SPATA13: variants seen among roughly 807,000 people sequenced by gnomAD.
SPATA13 encodes spermatogenesis-associated protein 13.
SPATA13 carries 50 observed loss-of-function variants against 104.0 expected under a neutral mutation model. That is an observed-to-expected ratio of 0.48 (90% CI 0.38 to 0.61). The LOEUF is 0.61. SPATA13 is among the 20% of genes least tolerant of loss of function. The pLI is 0.00. For synonymous variants in SPATA13, 606 were observed against 667.5 expected (o/e 0.91, Z 1.42); for missense variants, 1,524 against 1,690.6 (o/e 0.90, Z 1.73).
intron 3 of SPATA13, among the ~76,000 whole-genome samples, chr13:24,059,502 A>T (rs1878702541): frequency 1.3e-5 from 2 of 152,344 alleles, no homozygotes; most frequent in South Asian, 2.1e-4. Flanking sequence ...AGTCACTTAC[A>T]CTAACGCTTT....
chr13:24,109,768 C>G (rs1315689913), intron 3 of SPATA13, among the ~76,000 whole-genome samples: 1 of 152,030 alleles, frequency 6.6e-6, no homozygotes, highest in Admixed American at 6.6e-5. Flanking sequence ...TAACCAGCAC[C>G]ACTAGGAGGT....
intron 1 of SPATA13, among the ~76,000 whole-genome samples, chr13:24,201,926 G>C (rs1870429633): frequency 6.6e-6 from 1 of 152,086 alleles, no homozygotes; most frequent in Non-Finnish European, 1.5e-5. Context: ...GCCTTTTCCA[G>C]AATGTCATGT....
intron 3 of SPATA13, among the ~76,000 whole-genome samples, chr13:24,059,731 A>C (rs1878711142): frequency 6.6e-6 from 1 of 152,220 alleles, no homozygotes; most frequent in South Asian, 2.1e-4. Flanking sequence ...GTTGTTTACC[A>C]GGTGAAGAGC....
intron 3 of SPATA13, chr13:24,123,121 G>A (rs1428735641): frequency 2.0e-6 from 2 of 1,013,770 alleles, no homozygotes; most frequent in Non-Finnish European, 3.2e-6. Context: ...TGAATTGCAT[G>A]GGTAAGGTCA....
intron 1 of SPATA13, among the ~76,000 whole-genome samples, chr13:24,188,112 G>T (rs566269871): frequency 3.8e-3 from 584 of 152,226 alleles, no homozygotes; most frequent in African/African-American, 0.013. Context: ...AGGCCAAGGC[G>T]GGCAGATTGC....
chr13:23,984,762 C>G (rs770066118), intron 2 of SPATA13, among the ~76,000 whole-genome samples: 20 of 152,198 alleles, frequency 1.3e-4, no homozygotes, highest in Non-Finnish European at 2.8e-4. Context: ...TTGTGTAGAA[C>G]AGCTACGGGT....
intron 4 of SPATA13, among the ~76,000 whole-genome samples, chr13:24,281,026 C>T (rs1324771046): frequency 6.6e-6 from 1 of 152,108 alleles, no homozygotes; most frequent in Admixed American, 6.5e-5. Flanking sequence ...GACATGGGTA[C>T]ACACATGCAT....
At chr13:24,185,701 T>C (rs555370256) in intron 1 of SPATA13, among the ~76,000 whole-genome samples, 11 of 148,512 alleles carry the variant, frequency 7.4e-5, no homozygotes, top group African/African-American at 2.5e-4. Flanking sequence ...GGATTTAACT[T>C]AGAACACATA....
intron 2 of SPATA13, among the ~76,000 whole-genome samples, chr13:23,986,597 AT>A (rs2137652965): frequency 6.6e-6 from 1 of 152,282 alleles, no homozygotes; most frequent in African/African-American, 2.4e-5. Context: ...TGGTATCTCC[AT>A]TTTTACACAC....
chr13:24,010,328 CT>C (rs1482201992), intron 2 of SPATA13, among the ~76,000 whole-genome samples: 1 of 152,118 alleles, frequency 6.6e-6, no homozygotes, highest in African/African-American at 2.4e-5. Context: ...ACTTTGAGTT[CT>C]CTTCTTTGTT....
chr13:24,269,610 C>T (rs1043261231), intron 4 of SPATA13, among the ~76,000 whole-genome samples: 11 of 151,896 alleles, frequency 7.2e-5, no homozygotes, highest in South Asian at 2.1e-4. Flanking sequence ...ATTCTGTCAC[C>T]GAGGCTGGAG....
intron 3 of SPATA13, among the ~76,000 whole-genome samples, chr13:24,137,939 T>C (rs1881626537): frequency 6.6e-6 from 1 of 152,128 alleles, no homozygotes; most frequent in South Asian, 2.1e-4. Flanking sequence ...TGACTGGTTG[T>C]TATTGTGTGT....
chr13:24,201,027 TCAGTCACACACA>T (rs1308361039), intron 1 of SPATA13, among the ~76,000 whole-genome samples: 1 of 112,368 alleles, frequency 8.9e-6, no homozygotes, highest in African/African-American at 3.5e-5. Flanking sequence ...ATTCAGCTAG[TCAGTCACACACA>T]CACACACACA....
chr13:24,189,110 A>G (rs1478717156), intron 1 of SPATA13, among the ~76,000 whole-genome samples: 1 of 152,154 alleles, frequency 6.6e-6, no homozygotes, highest in Non-Finnish European at 1.5e-5. Flanking sequence ...CCTGCCTGCT[A>G]ATACAGCATC....
intron 3 of SPATA13, among the ~76,000 whole-genome samples, chr13:24,025,263 T>C (rs1201133750): frequency 1.3e-5 from 2 of 152,078 alleles, no homozygotes; most frequent in Non-Finnish European, 2.9e-5. Context: ...CTTTTTTAAG[T>C]TAACCATGCT....
chr13:23,984,061 T>C (rs924283131), intron 2 of SPATA13: 91 of 468,076 alleles, frequency 1.9e-4, no homozygotes, highest in Admixed American at 3.2e-4. Context: ...CACTGAGGCA[T>C]TGAGCAACTA....
chr13:24,116,528 C>T (rs1041457354), intron 3 of SPATA13, among the ~76,000 whole-genome samples: 1 of 152,120 alleles, frequency 6.6e-6, no homozygotes, highest in African/African-American at 2.4e-5. Flanking sequence ...GCACTCATCT[C>T]CTGCACTTGA....
chr13:24,274,084 AG>A (rs1874805589), intron 4 of SPATA13, among the ~76,000 whole-genome samples: 1 of 152,306 alleles, frequency 6.6e-6, no homozygotes, highest in Non-Finnish European at 1.5e-5. Context: ...GACGGATGGA[AG>A]GATTTTGTCC....
chr13:24,067,133 C>G (rs572182774), intron 3 of SPATA13, among the ~76,000 whole-genome samples: 61 of 152,286 alleles, frequency 4.0e-4, no homozygotes, highest in Admixed American at 1.8e-3. Flanking sequence ...CACACCCCAC[C>G]AAGCTGCATA....
Sources: gnomAD v4.1 joint callset for allele counts (sites outside exome capture counted in the v4.1 genomes callset) on GRCh38, gnomAD v4.1.1 for gene constraint, MANE v1.5 for transcripts, NCBI Gene and HGNC (gene_info 2026-07-23, HGNC 2026-07-21) for gene names.